Variants in LGSN observed in about 807,000 individuals in gnomAD.
LGSN encodes lengsin.
A neutral mutation model predicts 19.5 loss-of-function variants in LGSN; 21 were observed. The observed-to-expected ratio is 1.07, with a 90% CI of 0.76 to 1.55. LGSN has a LOEUF of 1.55. Among genes scored for constraint, LGSN ranks in the 40% most tolerant of loss-of-function variants. LGSN has a pLI of 0.00. For synonymous variants in LGSN, 257 were observed against 215.6 expected, an observed-to-expected ratio of 1.19 and a Z score of -1.68; for missense variants, 673 against 608.5, an observed-to-expected ratio of 1.11 and a Z score of -1.12.
the LGSN span, among the ~76,000 whole-genome samples, chr6:63,379,967 A>G: frequency 1.3e-5 from 2 of 152,002 alleles, no homozygotes; most frequent in Admixed American, 6.5e-5. Context: ...CCTCCCAAGT[A>G]TCTGGGATTA....
the LGSN span, among the ~76,000 whole-genome samples, chr6:63,517,760 GC>G: frequency 6.6e-6 from 1 of 152,146 alleles, no homozygotes; most frequent in African/African-American, 2.4e-5. Flanking sequence ...TTAAGGAGCA[GC>G]CTTCCTCTGC....
At chr6:63,284,284 T>C (rs1241252339) in intron 3 of LGSN, among the ~76,000 whole-genome samples, 1 of 151,326 alleles carries the variant, frequency 6.6e-6, no homozygotes, top group Admixed American at 6.6e-5. Context: ...ACATTAAAAT[T>C]CTCATGATAA....
Position 63,319,930 on chromosome 6 carries a change from T to G in LGSN, c.14A>C (p.Glu5Ala). MNNE[E>A]DLLQEDSTRD... ...GCTTCATACCTCCTGCAGAAGGTCC[T>G]CTTCATTATTCATCTCAACACTTTT... Residue 5 changes from glutamate to alanine, a missense_variant, in exon 1 of 4, where the codon GAG becomes GCG. By Grantham distance (107) the Glu-to-Ala change is moderately radical. Transcript: ENST00000370657. 1.9e-6 allele frequency: 3 copies of G among 1,610,102 alleles called. No homozygotes were observed. Among genetic ancestry groups the G allele is most frequent in the Non-Finnish European group, 2.5e-6 (3 of 1,176,530 alleles).
the LGSN span, among the ~76,000 whole-genome samples, chr6:63,451,395 G>A: frequency 6.6e-6 from 1 of 152,204 alleles, no homozygotes; most frequent in East Asian, 1.9e-4. Flanking sequence ...ATACAACATG[G>A]AACACTATGC....
intron 1 of LGSN, among the ~76,000 whole-genome samples, chr6:63,316,015 C>A (rs558138809): frequency 6.6e-6 from 1 of 152,030 alleles, no homozygotes; most frequent in South Asian, 2.1e-4. Context: ...ATAATAAGCC[C>A]AAAATGGAAT....
At chr6:63,368,936 A>G in the LGSN span, among the ~76,000 whole-genome samples, 2 of 152,234 alleles carry the variant, frequency 1.3e-5, no homozygotes, top group Non-Finnish European at 2.9e-5. Context: ...GAGCCACATC[A>G]AAATCTTAAC....
the LGSN span, among the ~76,000 whole-genome samples, chr6:63,358,397 C>A: frequency 3.3e-5 from 5 of 152,270 alleles, no homozygotes; most frequent in East Asian, 9.6e-4. Flanking sequence ...ATGGGGATGG[C>A]ATTGAATCTA....
the LGSN span, chr6:63,392,508 G>A: frequency 6.6e-6 from 1 of 152,336 alleles, no homozygotes. Context: ...GAAGCTTCAG[G>A]AGAAGCATAG....
the LGSN span, chr6:63,572,598 C>T: frequency 2.4e-6 from 1 of 418,916 alleles, no homozygotes; most frequent in Non-Finnish European, 4.1e-6. Context: ...TCGCCGCCAC[C>T]GCCGCTCCGC....
the LGSN span, among the ~76,000 whole-genome samples, chr6:63,413,619 A>G: frequency 6.6e-6 from 1 of 152,308 alleles, no homozygotes; most frequent in Non-Finnish European, 1.5e-5. Flanking sequence ...AGGAATCTCA[A>G]ATTATCCTAA....
At chr6:63,352,241 G>A in the LGSN span, among the ~76,000 whole-genome samples, 1 of 152,060 alleles carries the variant, frequency 6.6e-6, no homozygotes, top group Non-Finnish European at 1.5e-5. Flanking sequence ...CATGAAATAG[G>A]GAATTTTCCA....
chr6:63,454,217 G>A, the LGSN span, among the ~76,000 whole-genome samples: 3 of 151,934 alleles, frequency 2.0e-5, no homozygotes, highest in Admixed American at 6.6e-5. Flanking sequence ...TCCTGTCACC[G>A]TTATGGGACC....
intron 1 of LGSN, among the ~76,000 whole-genome samples, chr6:63,299,328 C>G (rs1041149856): frequency 6.6e-6 from 1 of 152,184 alleles, no homozygotes; most frequent in African/African-American, 2.4e-5. Flanking sequence ...TTACTAGAGA[C>G]TCTTATCATT....
chr6:63,503,198 G>A, the LGSN span, among the ~76,000 whole-genome samples: 1 of 151,940 alleles, frequency 6.6e-6, no homozygotes, highest in Admixed American at 6.6e-5. Context: ...GTCTCATACT[G>A]TTTACCTTGT....
At chr6:63,429,299 C>G in the LGSN span, among the ~76,000 whole-genome samples, 1 of 152,202 alleles carries the variant, frequency 6.6e-6, no homozygotes. Context: ...ATCCTTTCCT[C>G]TCACTATTTT....
At chr6:63,453,584 C>G in the LGSN span, among the ~76,000 whole-genome samples, 1 of 152,018 alleles carries the variant, frequency 6.6e-6, no homozygotes, top group Non-Finnish European at 1.5e-5. Context: ...AATAGAACCA[C>G]CCTGCTTTTT....
At chr6:63,507,327 G>A in the LGSN span, among the ~76,000 whole-genome samples, 1 of 152,204 alleles carries the variant, frequency 6.6e-6, no homozygotes, top group South Asian at 2.1e-4. Context: ...GCCCAAGTGT[G>A]AGTTAAGGGA....
In LGSN at chr6:63,280,224, C is replaced by T; in HGVS notation, c.1327G>A (p.Glu443Lys). ...SSNEVLAGPD[E>K]STDFYQVEPS... ...TCCACTTGGTAAAAGTCTGTGCTCT[C>T]ATCTGGACCAGCCAAGACCTCATTA... The change falls in exon 4 of 4, where the codon GAG becomes AAG. Residue 443 changes from glutamate to lysine, a missense_variant. Glu to Lys is a moderately conservative substitution (Grantham distance 56). Transcript: ENST00000370657. 1.2e-6 allele frequency: 2 copies of T among 1,614,220 alleles called. No individual in the cohort carries two copies. The highest frequency in any genetic ancestry group is 1.6e-4 in the Middle Eastern group (1 of 6,062).
At chr6:63,376,504 T>C in the LGSN span, among the ~76,000 whole-genome samples, 1 of 152,222 alleles carries the variant, frequency 6.6e-6, no homozygotes, top group Non-Finnish European at 1.5e-5. Flanking sequence ...AAAATCACTA[T>C]GCTCAGATTC....
Sources: allele counts gnomAD v4.1 joint callset (sites outside exome capture counted in the v4.1 genomes callset), GRCh38; gene constraint gnomAD v4.1.1; transcripts MANE v1.5; gene names NCBI Gene and HGNC (gene_info 2026-07-23, HGNC 2026-07-21).